XKR4: variants seen among roughly 807,000 people sequenced by gnomAD.
XKR4 encodes the protein XK related 4.
XKR4 carries 12 observed loss-of-function variants against 53.9 expected under a neutral mutation model. The ratio of observed to expected loss-of-function variants is 0.22; its 90% CI spans 0.14 to 0.36. The LOEUF is 0.36. XKR4 is among the 10% of genes least tolerant of loss of function. The pLI is 1.00. For synonymous variants in XKR4, 354 were observed against 362.4 expected (o/e 0.98, Z 0.26); for missense variants, 799 against 859.5 (o/e 0.93, Z 0.88).
intron 2 of XKR4, among the ~76,000 whole-genome samples, chr8:55,393,437 AG>A (rs1312737845): frequency 1.1e-4 from 16 of 151,270 alleles, no homozygotes; most frequent in East Asian, 5.9e-4. Flanking sequence ...GAAGGAAGGA[AG>A]GAAGGAAGGA....
intron 2 of XKR4, among the ~76,000 whole-genome samples, chr8:55,370,046 C>T (rs895211892): frequency 2.6e-5 from 4 of 151,992 alleles, no homozygotes; most frequent in South Asian, 2.1e-4. Flanking sequence ...GGTGAAAGAG[C>T]GAGACCCCCA....
At chr8:55,231,849 G>A (rs186514097) in intron 1 of XKR4, among the ~76,000 whole-genome samples, 1 of 152,176 alleles carries the variant, frequency 6.6e-6, no homozygotes, top group African/African-American at 2.4e-5. Context: ...TTAAATTGGA[G>A]AGATTCCCTA....
chr8:55,107,759 G>A (rs888341882), intron 1 of XKR4, among the ~76,000 whole-genome samples: 6 of 152,166 alleles, frequency 3.9e-5, no homozygotes, highest in African/African-American at 1.4e-4. Flanking sequence ...AAAAAAGGTG[G>A]TCTTCAATTC....
chr8:55,113,783 T>G (rs1816266449), intron 1 of XKR4, among the ~76,000 whole-genome samples: 1 of 152,174 alleles, frequency 6.6e-6, no homozygotes, highest in Non-Finnish European at 1.5e-5. Context: ...TATGTCCATG[T>G]GTACCCATTG....
At chr8:55,232,182 G>A (rs1385879410) in intron 1 of XKR4, among the ~76,000 whole-genome samples, 1 of 152,198 alleles carries the variant, frequency 6.6e-6, no homozygotes, top group East Asian at 1.9e-4. Context: ...CAAGGGGAGG[G>A]ACCTCTGGAT....
At chr8:55,338,996 A>G (rs1259586710) in intron 1 of XKR4, among the ~76,000 whole-genome samples, 1 of 152,218 alleles carries the variant, frequency 6.6e-6, no homozygotes, top group Non-Finnish European at 1.5e-5. Context: ...GATTCCTTCT[A>G]GAAACCAGAA....
intron 1 of XKR4, among the ~76,000 whole-genome samples, chr8:55,297,355 T>C (rs1447055072): frequency 1.3e-5 from 2 of 152,208 alleles, no homozygotes; most frequent in African/African-American, 4.8e-5. Context: ...AAATGTTCAG[T>C]TAAGGCAAGA....
intron 2 of XKR4, among the ~76,000 whole-genome samples, chr8:55,398,118 G>A (rs756602212): frequency 2.6e-5 from 4 of 152,182 alleles, no homozygotes; most frequent in African/African-American, 9.6e-5. Flanking sequence ...AGGGATATGC[G>A]CACTTTCAGA....
chr8:55,436,141 T>C (rs1450926372), intron 2 of XKR4, among the ~76,000 whole-genome samples: 1 of 152,172 alleles, frequency 6.6e-6, no homozygotes, highest in East Asian at 1.9e-4. Flanking sequence ...TATGATTGGG[T>C]TTCAAAGTGA....
At chr8:55,119,854 G>A (rs1286319618) in intron 1 of XKR4, among the ~76,000 whole-genome samples, 1 of 152,172 alleles carries the variant, frequency 6.6e-6, no homozygotes, top group African/African-American at 2.4e-5. Context: ...TTCTGGTAGT[G>A]CTGGTTAAGA....
At chr8:55,228,242 C>T (rs1051517002) in intron 1 of XKR4, among the ~76,000 whole-genome samples, 4 of 152,034 alleles carry the variant, frequency 2.6e-5, no homozygotes, top group Admixed American at 6.6e-5. Context: ...AGAGCTGCCA[C>T]GTGGGAACTG....
chr8:55,205,499 GA>G (rs1181483932), intron 1 of XKR4, among the ~76,000 whole-genome samples: 1 of 151,540 alleles, frequency 6.6e-6, no homozygotes, highest in African/African-American at 2.4e-5. Flanking sequence ...AGCAAATTCA[GA>G]AAAAAAAGAA....
chr8:55,145,255 C>T (rs953934544), intron 1 of XKR4, among the ~76,000 whole-genome samples: 16 of 152,186 alleles, frequency 1.1e-4, no homozygotes, highest in African/African-American at 3.1e-4. Flanking sequence ...TTTTAATCCA[C>T]TCACACGCTC....
chr8:55,395,854 G>A (rs1804509201), intron 2 of XKR4, among the ~76,000 whole-genome samples: 1 of 152,228 alleles, frequency 6.6e-6, no homozygotes, highest in South Asian at 2.1e-4. Flanking sequence ...ACCATGGACT[G>A]GGTGGCTTCA....
rs1284820369 is a variant in XKR4, at chr8:55,351,722, CT to C, written c.807-5955del. Reference sequence around the variant, plus strand: ...CACACAGCCAACATCACTGGCCCCCCTGATCAAAGCCAGCATCTTTTCTCAC... The same window carrying C: ...CACACAGCCAACATCACTGGCCCCCCGATCAAAGCCAGCATCTTTTCTCAC... On this transcript the variant is annotated intron_variant, in intron 1 of 2. Coordinates refer to ENST00000327381, the MANE Select transcript of XKR4 (RefSeq NM_052898.2). 1.1e-3 allele frequency among the ~76,000 whole-genome samples: 164 copies of C among 152,328 alleles called. 1 individual carries two copies. The highest frequency in any genetic ancestry group is 3.5e-3 in the African/African-American group (144 of 41,574).
chr8:55,212,306 G>A lies in XKR4; in HGVS notation c.806+109012G>A, dbSNP rs117683583. ...ACATGGAAAATGAAGAAGATTCTCT[G>A]TGGAATGTAGATTTTCCCCACAGGA... On this transcript the variant is annotated intron_variant, in intron 1 of 2. Transcript: ENST00000327381. Among the ~76,000 whole-genome samples, 1,321 of 152,288 alleles carry A rather than the reference G, an allele frequency of 8.7e-3. 14 individuals are homozygous for A. Among genetic ancestry groups the A allele is most frequent in the Middle Eastern group, 0.031 (9 of 294 alleles).
chr8:55,318,627 T>C (rs1165089383), intron 1 of XKR4, among the ~76,000 whole-genome samples: 8 of 152,178 alleles, frequency 5.3e-5, no homozygotes, highest in African/African-American at 1.9e-4. Context: ...GAAACATTCA[T>C]TGAGAACCTA....
intron 1 of XKR4, among the ~76,000 whole-genome samples, chr8:55,310,853 G>T (rs531766136): frequency 1.3e-5 from 2 of 152,208 alleles, no homozygotes; most frequent in African/African-American, 2.4e-5. Flanking sequence ...AAAGAAGTGG[G>T]ACAGGAAGGG....
rs1807037424 is a variant in XKR4, at chr8:55,536,753, A to C, written c.*12526A>C. 1 of 152,352 alleles carries C rather than the reference A, an allele frequency of 6.6e-6. No homozygotes were observed. The highest frequency in any genetic ancestry group is 2.1e-4 in the South Asian group (1 of 4,824). The allele number at this position is 152,352 out of a possible 1,614,324, so 9.4% of individuals were successfully genotyped here. ...TTACTTTCAGCAAACACATGAATGA[A>C]AGAGGTCAGGTAGGCTGTCCTGGGC... On this transcript the variant is annotated 3_prime_UTR_variant, in exon 3 of 3. Coordinates refer to ENST00000327381, the MANE Select transcript of XKR4 (RefSeq NM_052898.2).
Sources: gnomAD v4.1 joint callset for allele counts (sites outside exome capture counted in the v4.1 genomes callset) on GRCh38, gnomAD v4.1.1 for gene constraint, MANE v1.5 for transcripts, NCBI Gene and HGNC (gene_info 2026-07-23, HGNC 2026-07-21) for gene names.